Variants in STK32B observed in about 807,000 individuals in gnomAD.
STK32B encodes serine/threonine kinase 32B.
Under a neutral mutation model 52.6 loss-of-function variants are expected in STK32B, and 43 were observed. The observed-to-expected ratio is 0.82, with a 90% CI of 0.64 to 1.05. The LOEUF is 1.05. STK32B is among the 50% of genes least tolerant of loss of function. The pLI, the probability that STK32B is intolerant of heterozygous loss-of-function variation, is 0.00. For missense variants in STK32B, 621 were observed against 534.6 expected (o/e 1.16, Z -1.59); for synonymous variants, 238 against 204.3 (o/e 1.17, Z -1.41).
rs1727174733 is a variant in STK32B at position 5,268,191 on chromosome 4, G to A, written c.261-63029G>A. On this transcript the variant is annotated intron_variant, in intron 3 of 11. Transcript: ENST00000282908. The stretch of plus-strand genomic sequence containing the variant: ...CACTTTGATATTTCTTTGTGTGTTT[G>A]GGCACAGTTCTACCACACTCCGCTG... Among the ~76,000 whole-genome samples, 4 of 152,232 alleles carry A rather than the reference G, an allele frequency of 2.6e-5. No homozygotes were observed. In the South Asian group the frequency reaches 8.3e-4, roughly 32 times the overall value.
chr4:5,140,400 C>A (rs992121964), intron 2 of STK32B: 3 of 906,918 alleles, frequency 3.3e-6, no homozygotes, highest in African/African-American at 1.7e-5. Context: ...CAAAAATACT[C>A]CCCCCAGTCA....
At chr4:5,481,067 G>T (rs1184613536) in intron 11 of STK32B, among the ~76,000 whole-genome samples, 1 of 152,156 alleles carries the variant, frequency 6.6e-6, no homozygotes. Flanking sequence ...CTTTAAAGCA[G>T]CATGATTTAT....
intron 1 of STK32B, among the ~76,000 whole-genome samples, chr4:5,097,394 A>G (rs1713463643): frequency 6.6e-6 from 1 of 152,230 alleles, no homozygotes; most frequent in African/African-American, 2.4e-5. Context: ...AATCCATCCA[A>G]CTTCTTTCTT....
At chr4:5,220,023 G>T (rs530845151) in intron 3 of STK32B, among the ~76,000 whole-genome samples, 1 of 152,136 alleles carries the variant, frequency 6.6e-6, no homozygotes, top group East Asian at 1.9e-4. Flanking sequence ...AAGGCTGTGG[G>T]CACGTTCAAT....
chr4:5,333,045 G>A (rs1217012444), intron 4 of STK32B, among the ~76,000 whole-genome samples: 2 of 152,064 alleles, frequency 1.3e-5, no homozygotes, highest in Non-Finnish European at 2.9e-5. Context: ...GGTATTTCTA[G>A]TTCTGGATCC....
chr4:5,346,745 T>C (rs1393420032), intron 4 of STK32B, among the ~76,000 whole-genome samples: 2 of 152,138 alleles, frequency 1.3e-5, no homozygotes, highest in East Asian at 3.9e-4. Context: ...TTGAATAAGC[T>C]GAAATAAGTG....
intron 9 of STK32B, among the ~76,000 whole-genome samples, chr4:5,463,478 T>TGA (rs1717189577): frequency 6.6e-6 from 1 of 151,648 alleles, no homozygotes; most frequent in African/African-American, 2.4e-5. Context: ...ACTCACACAC[T>TGA]CAGTCACACT....
At chr4:5,048,296 A>ATT (rs934389483), upstream of STK32B, among the ~76,000 whole-genome samples, 1,116 of 111,834 alleles carry the variant, frequency 1.0e-2, 31 homozygotes, top group African/African-American at 0.034. Context: ...TGCCTGGCTA[A>ATT]TTTTTTTTTT....
intron 1 of STK32B, among the ~76,000 whole-genome samples, chr4:5,092,265 C>T (rs1444509708): frequency 6.6e-6 from 1 of 152,256 alleles, no homozygotes; most frequent in Non-Finnish European, 1.5e-5. Flanking sequence ...GGTGCAGTGG[C>T]TCGCGCCTGT....
chr4:5,173,217 T>TGCTA (rs1241279702), intron 3 of STK32B, among the ~76,000 whole-genome samples: 9 of 151,188 alleles, frequency 6.0e-5, no homozygotes, highest in East Asian at 1.9e-4. Context: ...TTATTAGTCT[T>TGCTA]GCAGTCTATC....
intron 3 of STK32B, among the ~76,000 whole-genome samples, chr4:5,305,597 G>T (rs4586870): frequency 1.3e-5 from 2 of 151,612 alleles, no homozygotes; most frequent in Non-Finnish European, 1.5e-5. Context: ...TTTTCTTTTC[G>T]TGGTTAACCA....
At chr4:5,490,464 G>T (rs1719627124) in intron 11 of STK32B, among the ~76,000 whole-genome samples, 1 of 152,070 alleles carries the variant, frequency 6.6e-6, no homozygotes, top group South Asian at 2.1e-4. Flanking sequence ...GTTTGACTAG[G>T]TTGCCAATAT....
chr4:5,268,391 G>A (rs751575531), intron 3 of STK32B, among the ~76,000 whole-genome samples: 2 of 152,056 alleles, frequency 1.3e-5, no homozygotes, highest in Non-Finnish European at 2.9e-5. Flanking sequence ...GGACCTTTGC[G>A]TAGCCGCTTT....
At chr4:5,034,832 TC>T in the STK32B span, among the ~76,000 whole-genome samples, 2 of 152,206 alleles carry the variant, frequency 1.3e-5, no homozygotes, top group Non-Finnish European at 1.5e-5. Flanking sequence ...AAATGAATGT[TC>T]ATGGCAGCCT....
intron 3 of STK32B, among the ~76,000 whole-genome samples, chr4:5,172,516 G>A (rs1719471085): frequency 6.6e-6 from 1 of 152,082 alleles, no homozygotes; most frequent in South Asian, 2.1e-4. Context: ...TTTTTAGCAT[G>A]AAGGGTTGTT....
rs762886521 is a variant in STK32B, at chr4:5,380,455, A to G, written c.435-17752A>G. ...CCTGATGCTATGTCTAATTTTGTGA[A>G]CAGATATTTTGTTCACAGGACAAGA... is the stretch of plus-strand genomic sequence containing the variant. On this transcript the variant is annotated intron_variant, in intron 4 of 11. Coordinates refer to ENST00000282908, the MANE Select transcript of STK32B (RefSeq NM_018401.3). This position sits in a 1 kb window ranked among gnomAD's most constrained non-coding sequence, Gnocchi z 4.3. Among the ~76,000 whole-genome samples the G allele has an allele frequency of 1.1e-4, 17 of 152,188 alleles. No individual in the cohort carries two copies. The highest frequency in any genetic ancestry group is 3.3e-4 in the Admixed American group (5 of 15,278).
At chr4:5,239,372 G>A (rs1724848783) in intron 3 of STK32B, among the ~76,000 whole-genome samples, 1 of 152,156 alleles carries the variant, frequency 6.6e-6, no homozygotes, top group Non-Finnish European at 1.5e-5. Flanking sequence ...TTGGAGGCAG[G>A]CAGGAGGTCG....
intron 1 of STK32B, among the ~76,000 whole-genome samples, chr4:5,099,460 G>GCT (rs1553823553): frequency 1.3e-5 from 2 of 151,984 alleles, no homozygotes; most frequent in Non-Finnish European, 1.5e-5. Flanking sequence ...GCGCGCGCGC[G>GCT]TATGTGATGT....
chr4:5,091,020 A>G (rs1414015712), intron 1 of STK32B, among the ~76,000 whole-genome samples: 1 of 152,248 alleles, frequency 6.6e-6, no homozygotes, highest in Non-Finnish European at 1.5e-5. Flanking sequence ...ATATAGTTTC[A>G]TGGGTAAATT....
Sources: gnomAD v4.1 joint callset for allele counts (sites outside exome capture counted in the v4.1 genomes callset) on GRCh38, gnomAD v4.1.1 for gene constraint, Gnocchi (gnomAD v3.1) non-coding constraint, MANE v1.5 for transcripts, NCBI Gene and HGNC (gene_info 2026-07-23, HGNC 2026-07-21) for gene names.